Variants in LDB2 observed in about 807,000 individuals in gnomAD.
The protein encoded by LDB2 is LIM domain-binding protein 2.
Under a neutral mutation model 44.3 loss-of-function variants are expected in LDB2, and 12 were observed. The ratio of observed to expected loss-of-function variants is 0.27; its 90% CI spans 0.17 to 0.44. The LOEUF is 0.44. Among genes scored for constraint, LDB2 ranks in the 20% least tolerant of loss-of-function variants. The pLI is 1.00. For synonymous variants in LDB2, 164 were observed against 174.8 expected (o/e 0.94, Z 0.49); for missense variants, 344 against 473.5 (o/e 0.73, Z 2.54).
At chr4:16,521,590 A>C (rs1305135306) in intron 5 of LDB2, among the ~76,000 whole-genome samples, 1 of 152,154 alleles carries the variant, frequency 6.6e-6, no homozygotes, top group Non-Finnish European at 1.5e-5. Context: ...GTTTAAGGAA[A>C]TAAGGAGGGG....
At chr4:16,799,939 C>T (rs1163572285) in intron 1 of LDB2, among the ~76,000 whole-genome samples, 2 of 152,070 alleles carry the variant, frequency 1.3e-5, no homozygotes, top group African/African-American at 4.8e-5. Context: ...TTTGGGAAAC[C>T]TGGCAACCCT....
chr4:16,861,724 G>C (rs1351146493), intron 1 of LDB2, among the ~76,000 whole-genome samples: 1 of 152,164 alleles, frequency 6.6e-6, no homozygotes, highest in Non-Finnish European at 1.5e-5. Context: ...CCACGAGTCA[G>C]CTAGGTCCTG....
At chr4:16,630,481 C>T (rs1343249251) in intron 2 of LDB2, among the ~76,000 whole-genome samples, 1 of 152,160 alleles carries the variant, frequency 6.6e-6, no homozygotes, top group East Asian at 1.9e-4. Flanking sequence ...CACTGCAAAA[C>T]ATGCCAAATT....
chr4:16,691,975 G>A (rs1176333833), intron 2 of LDB2, among the ~76,000 whole-genome samples: 1 of 152,142 alleles, frequency 6.6e-6, no homozygotes, highest in Non-Finnish European at 1.5e-5. Flanking sequence ...ACACAAAGTT[G>A]AATGCCTGAC....
intron 2 of LDB2, among the ~76,000 whole-genome samples, chr4:16,695,145 T>A (rs1036408156): frequency 7.2e-5 from 11 of 152,182 alleles, no homozygotes; most frequent in African/African-American, 2.7e-4. Flanking sequence ...TGCCTTGAAA[T>A]GCATGCAAAT....
At chr4:16,800,077 G>A (rs1475791959) in intron 1 of LDB2, among the ~76,000 whole-genome samples, 1 of 152,194 alleles carries the variant, frequency 6.6e-6, no homozygotes, top group East Asian at 1.9e-4. Context: ...AAGCTCAAAC[G>A]AGAGTGGCGG....
chr4:16,831,042 G>A (rs1423096895), intron 1 of LDB2, among the ~76,000 whole-genome samples: 2 of 152,102 alleles, frequency 1.3e-5, no homozygotes, highest in Non-Finnish European at 2.9e-5. Flanking sequence ...ATCTATTATT[G>A]AGCAATCAAG....
intron 1 of LDB2, among the ~76,000 whole-genome samples, chr4:16,768,141 C>T (rs1769776343): frequency 6.6e-6 from 1 of 152,166 alleles, no homozygotes; most frequent in Admixed American, 6.5e-5. Flanking sequence ...GGTACACATA[C>T]ACCCCCTCCA....
intron 1 of LDB2, among the ~76,000 whole-genome samples, chr4:16,884,107 G>A (rs1378697711): frequency 6.6e-6 from 1 of 152,114 alleles, no homozygotes; most frequent in Non-Finnish European, 1.5e-5. Context: ...CTTGCTCAAA[G>A]GCATAGCAGA....
rs1192404603 is a variant in LDB2, at chr4:16,582,753, G to A, written c.615+3169C>T. On this transcript the variant is annotated intron_variant, in intron 5 of 7. Transcript: ENST00000304523. This position sits in a 1 kb window ranked among gnomAD's most constrained non-coding sequence, Gnocchi z 4.8. ...CAGAGGCAGCCTGTAGAGGAAGTGA[G>A]ACCGCACTGTGACAGGGCGCCATCT... Among the ~76,000 whole-genome samples the A allele has an allele frequency of 6.6e-6, 1 of 152,142 alleles. No homozygotes were observed. Among genetic ancestry groups the A allele is most frequent in the Non-Finnish European group, 1.5e-5 (1 of 68,028 alleles).
intron 1 of LDB2, among the ~76,000 whole-genome samples, chr4:16,774,170 A>AG (rs1312168141): frequency 6.6e-6 from 1 of 150,798 alleles, no homozygotes; most frequent in African/African-American, 2.4e-5. Flanking sequence ...AAAAAAAAAA[A>AG]AAAAAAAGGG....
chr4:16,863,088 T>A (rs6819451), intron 1 of LDB2, among the ~76,000 whole-genome samples: 1,617 of 152,258 alleles, frequency 0.011, 35 homozygotes, highest in African/African-American at 0.036. Context: ...GGGCTTTGCT[T>A]TATTAGTTAA....
At chr4:16,531,688 C>A (rs1730200856) in intron 5 of LDB2, among the ~76,000 whole-genome samples, 1 of 152,156 alleles carries the variant, frequency 6.6e-6, no homozygotes, top group Admixed American at 6.6e-5. Flanking sequence ...CAAAATAAAT[C>A]ATGGATTTAG....
At chr4:16,725,965 G>T in intron 2 of LDB2, among the ~76,000 whole-genome samples, 1 of 147,850 alleles carries the variant, frequency 6.8e-6, no homozygotes, top group East Asian at 2.0e-4. Flanking sequence ...ATATATTTAT[G>T]ATATTAGTAC....
intron 2 of LDB2, among the ~76,000 whole-genome samples, chr4:16,598,986 G>A (rs967359811): frequency 1.3e-5 from 2 of 151,764 alleles, no homozygotes; most frequent in Admixed American, 6.6e-5. Flanking sequence ...GGGCAGGGTG[G>A]TAAACACTGA....
At position 16,782,202 on chromosome 4, in the gene LDB2, G is replaced by A. The variant is rs550654184; in HGVS notation, c.133-22942C>T. Among the ~76,000 whole-genome samples the A allele has an allele frequency of 2.0e-5, 3 of 152,270 alleles. No individual in the cohort carries two copies. The South Asian group carries it at 6.2e-4, about 32-fold the overall frequency. On this transcript the variant is annotated intron_variant, in intron 1 of 7. Coordinates refer to ENST00000304523, the MANE Select transcript of LDB2 (RefSeq NM_001290.5). ...CCATGACGTGCTCATCTCACATCAG[G>A]CCGCAATGCTGCTTCCTTCTCTTTC...
intron 5 of LDB2, among the ~76,000 whole-genome samples, chr4:16,567,385 CGCGTGTGT>C (rs1560497242): frequency 4.6e-5 from 7 of 150,940 alleles, no homozygotes; most frequent in Middle Eastern, 3.2e-3. Flanking sequence ...TGTGTGTGTG[CGCGTGTGT>C]GCATGCGTGT....
Position 16,812,062 on chromosome 4 carries a change from G to A in LDB2, c.133-52802C>T, listed in dbSNP as rs75846252. On this transcript the variant is annotated intron_variant, in intron 1 of 7. Coordinates refer to ENST00000304523, the MANE Select transcript of LDB2 (RefSeq NM_001290.5). The stretch of plus-strand genomic sequence containing the variant: ...TAAGATATCTTGCACTCTATTACCT[G>A]GATGAAGTCTTCTATCCCGTCCTTT... Among the ~76,000 whole-genome samples, 280 of 152,238 alleles carry A rather than the reference G, an allele frequency of 1.8e-3. 1 individual carries two copies. Among genetic ancestry groups the A allele is most frequent in the East Asian group, 3.9e-3 (20 of 5,180 alleles).
intron 2 of LDB2, among the ~76,000 whole-genome samples, chr4:16,651,463 T>A (rs1738238667): frequency 6.6e-6 from 1 of 152,220 alleles, no homozygotes; most frequent in Non-Finnish European, 1.5e-5. Context: ...CCAGTCAATG[T>A]TCCCCTTGCA....
Sources: gnomAD v4.1 joint callset for allele counts (sites outside exome capture counted in the v4.1 genomes callset) on GRCh38, gnomAD v4.1.1 for gene constraint, Gnocchi (gnomAD v3.1) non-coding constraint, MANE v1.5 for transcripts, NCBI Gene and HGNC (gene_info 2026-07-23, HGNC 2026-07-21) for gene names.